FGFR2: variants seen among roughly 807,000 people sequenced by gnomAD.
FGFR2 encodes fibroblast growth factor receptor 2, also known as BEK fibroblast growth factor receptor.
In FGFR2, 19 loss-of-function variants were observed where a neutral mutation model predicts 95.9. The ratio of observed to expected loss-of-function variants is 0.20; its 90% CI spans 0.14 to 0.29. The LOEUF (loss-of-function observed/expected upper bound fraction) is 0.29, where lower values mean the gene tolerates loss of function less well. Among genes scored for constraint, FGFR2 ranks in the 10% least tolerant of loss-of-function variants. The pLI is 1.00. For synonymous variants in FGFR2, 392 were observed against 393.3 expected, an observed-to-expected ratio of 1.00 and a Z score of 0.04; for missense variants, 707 against 1,056.9, an observed-to-expected ratio of 0.67 and a Z score of 4.59.
intron 4 of FGFR2, among the ~76,000 whole-genome samples, chr10:121,561,294 T>C (rs768123860): frequency 1.4e-4 from 21 of 151,896 alleles, no homozygotes; most frequent in Non-Finnish European, 2.4e-4. Context: ...TGTGGTAGCA[T>C]GTACCTGTAA....
At chr10:121,539,887 G>A (rs1039150077) in intron 5 of FGFR2, among the ~76,000 whole-genome samples, 5 of 152,154 alleles carry the variant, frequency 3.3e-5, no homozygotes, top group African/African-American at 4.8e-5. Flanking sequence ...AAAACAGGAG[G>A]GCAGAGCAGC....
intron 13 of FGFR2, among the ~76,000 whole-genome samples, chr10:121,491,344 G>A (rs1454028030): frequency 2.6e-5 from 4 of 152,168 alleles, no homozygotes; most frequent in Admixed American, 6.5e-5. Context: ...AGGAATGTCA[G>A]CCGTTCTCCA....
intron 4 of FGFR2, chr10:121,564,230 G>T: frequency 2.0e-6 from 1 of 511,168 alleles, no homozygotes; most frequent in East Asian, 3.5e-5. Flanking sequence ...AGAAGTCAAA[G>T]GGAAAAGGGA....
At chr10:121,547,400 CTT>C (rs764591388) in intron 5 of FGFR2, among the ~76,000 whole-genome samples, 14 of 139,334 alleles carry the variant, frequency 1.0e-4, no homozygotes, top group Admixed American at 1.4e-4. Flanking sequence ...CCTTTTTTTT[CTT>C]TTTTTTTTTT....
At chr10:121,524,951 A>AGT (rs1304120632) in intron 6 of FGFR2, among the ~76,000 whole-genome samples, 3 of 152,240 alleles carry the variant, frequency 2.0e-5, no homozygotes, top group African/African-American at 7.2e-5. Flanking sequence ...GCCCAGTGCT[A>AGT]GTTCATCTCT....
chr10:121,496,195 A>G (rs1307350698), intron 13 of FGFR2, among the ~76,000 whole-genome samples: 1 of 147,534 alleles, frequency 6.8e-6, no homozygotes, highest in Non-Finnish European at 1.5e-5. Context: ...GAAAAAAAAA[A>G]AAGAAAGAAA....
At chr10:121,513,412 T>G (rs911063766) in intron 9 of FGFR2, among the ~76,000 whole-genome samples, 1 of 151,964 alleles carries the variant, frequency 6.6e-6, no homozygotes, top group Admixed American at 6.6e-5. Flanking sequence ...TGTGGCTGAG[T>G]CAGGGGGATT....
At chr10:121,487,315 C>G (rs1845550447) in intron 15 of FGFR2, 39 bp downstream of exon 15, 1 of 1,544,412 alleles carries the variant, frequency 6.5e-7, no homozygotes, top group Non-Finnish European at 9.0e-7. Context: ...TTTTGCAGCT[C>G]AAGCCCAGGA....
rs1262017445 is a variant in FGFR2, at chr10:121,518,673, C to T, written c.940-1210G>A. 1 of 1,614,164 alleles carries T rather than the reference C, an allele frequency of 6.2e-7. No individual in the cohort carries two copies. The highest frequency in any genetic ancestry group is 8.5e-7 in the Non-Finnish European group (1 of 1,180,032). On this transcript the variant is annotated intron_variant, in intron 7 of 17. Coordinates refer to ENST00000358487, the MANE Select transcript of FGFR2 (RefSeq NM_000141.5). This position sits in a 1 kb window ranked among gnomAD's most constrained non-coding sequence, Gnocchi z 4.0. ...TTTTAAAAAAAGACAAAAATGAAAG[C>T]ATTGTTACCTTGCTGTTTTGGCAGG...
chr10:121,594,680 C>G (rs557202592), intron 1 of FGFR2, among the ~76,000 whole-genome samples: 1 of 152,208 alleles, frequency 6.6e-6, no homozygotes, highest in East Asian at 1.9e-4. Context: ...AAAAGGACTT[C>G]GAAGCCTGAA....
intron 3 of FGFR2, among the ~76,000 whole-genome samples, chr10:121,565,034 G>A (rs1325103915): frequency 2.0e-5 from 3 of 151,988 alleles, no homozygotes; most frequent in African/African-American, 4.8e-5. Context: ...CTTTAAACTC[G>A]GCCACAAAGG....
rs775194870 is a variant in FGFR2, at chr10:121,593,724, T to C, written c.94A>G (p.Thr32Ala). The change falls in exon 2 of 18, where the codon ACA becomes GCA. Residue 32 changes from threonine to alanine, a missense_variant. Thr to Ala is a moderately conservative substitution (Grantham distance 58, BLOSUM62 0). Transcript: ENST00000358487. ...AATGACTTACCTTCTGGCTCTAATGTGGTATCCTCAACTAAACTGAAGGAG... is the reference window on the plus strand; with the variant it reads ...AATGACTTACCTTCTGGCTCTAATGCGGTATCCTCAACTAAACTGAAGGAG... ...RPSFSLVEDT[T>A]LEPEEPPTKY... 2.5e-5 allele frequency: 40 copies of C among 1,614,074 alleles called. No individual in the cohort carries two copies. The highest frequency in any genetic ancestry group is 2.6e-5 in the Non-Finnish European group (31 of 1,179,928).
Position 121,485,310 on chromosome 10 carries a change from C to A in FGFR2, c.2195+85G>T, listed in dbSNP as rs1845266620. The A allele has an allele frequency of 7.0e-6, 11 of 1,577,756 alleles. No individual in the cohort carries two copies. Among genetic ancestry groups the A allele is most frequent in the African/African-American group, 1.3e-5 (1 of 74,272 alleles). On this transcript the variant is annotated intron_variant, in intron 16 of 17. Transcript: ENST00000358487. This position sits in a 1 kb window ranked among gnomAD's most constrained non-coding sequence, Gnocchi z 4.2. ...TAGAGCATGTTTAGGAAACCAGGGG[C>A]CTTCAAAAACGAGATACATCAGGAG...
chr10:121,525,821 G>A (rs925193472), intron 6 of FGFR2, among the ~76,000 whole-genome samples: 2 of 152,192 alleles, frequency 1.3e-5, no homozygotes, highest in Admixed American at 6.5e-5. Flanking sequence ...GAGGCCTCAT[G>A]TCTACAGGCT....
At chr10:121,559,307 G>T (rs550659330) in intron 4 of FGFR2, among the ~76,000 whole-genome samples, 1 of 152,250 alleles carries the variant, frequency 6.6e-6, no homozygotes, top group African/African-American at 2.4e-5. Flanking sequence ...AAAATACAAA[G>T]AATTTGGTGC....
chr10:121,594,875 A>C (rs1310989673), intron 1 of FGFR2, among the ~76,000 whole-genome samples: 1 of 152,244 alleles, frequency 6.6e-6, no homozygotes, highest in Non-Finnish European at 1.5e-5. Flanking sequence ...TTCCATATGC[A>C]AACCTACTGG....
intron 6 of FGFR2, among the ~76,000 whole-genome samples, chr10:121,524,868 GTTTGCAACTTT>G (rs1851133372): frequency 6.6e-6 from 1 of 152,156 alleles, no homozygotes; most frequent in Admixed American, 6.5e-5. Flanking sequence ...AACCCCTCAA[GTTTGCAACTTT>G]TTTGCAACAA....
chr10:121,543,891 T>C (rs753468296), intron 5 of FGFR2, among the ~76,000 whole-genome samples: 5 of 152,208 alleles, frequency 3.3e-5, no homozygotes, highest in African/African-American at 2.4e-5. Context: ...GCCCGTTGCT[T>C]GTCGGTGCTC....
intron 13 of FGFR2, 29 bp from the exon 14 acceptor site, chr10:121,488,142 A>G (rs1845666013): frequency 1.2e-6 from 2 of 1,608,096 alleles, no homozygotes; most frequent in Non-Finnish European, 1.7e-6. Context: ...CAAGAGAAAT[A>G]ACTAATTTCA....
Sources: gnomAD v4.1 joint callset for allele counts (sites outside exome capture counted in the v4.1 genomes callset) on GRCh38, gnomAD v4.1.1 for gene constraint, Gnocchi (gnomAD v3.1) non-coding constraint, MANE v1.5 for transcripts, NCBI Gene and HGNC (gene_info 2026-07-23, HGNC 2026-07-21) for gene names.